ANKHD1: variants seen among roughly 807,000 people sequenced by gnomAD.
The protein encoded by ANKHD1 is ankyrin repeat and KH domain-containing protein 1.
In ANKHD1, 31 loss-of-function variants were observed where a neutral mutation model predicts 230.5. The ratio of observed to expected loss-of-function variants is 0.13; its 90% CI spans 0.10 to 0.18. ANKHD1 has a LOEUF of 0.18. Ranked by LOEUF, ANKHD1 falls within the 10% of genes least tolerant of loss-of-function variation. The pLI is 1.00. For missense variants in ANKHD1, 2,256 were observed against 3,071.3 expected, an observed-to-expected ratio of 0.73 and a Z score of 6.27; for synonymous variants, 1,074 against 1,117.6, an observed-to-expected ratio of 0.96 and a Z score of 0.78.
chr5:140,525,566 A>G (rs1753564605), intron 25 of ANKHD1, among the ~76,000 whole-genome samples: 2 of 151,984 alleles, frequency 1.3e-5, no homozygotes, highest in Admixed American at 6.5e-5. Context: ...GCACCTGGCC[A>G]CAGTAAAAGA....
chr5:140,483,910 G>C (rs1561786459), intron 11 of ANKHD1, among the ~76,000 whole-genome samples: 1 of 152,156 alleles, frequency 6.6e-6, no homozygotes, highest in African/African-American at 2.4e-5. Context: ...GAAATAAATA[G>C]ATGGATAAAC....
intron 1 of ANKHD1, among the ~76,000 whole-genome samples, chr5:140,412,897 A>C (rs184762502): frequency 6.6e-6 from 1 of 152,228 alleles, no homozygotes; most frequent in Non-Finnish European, 1.5e-5. Context: ...TTTAGCAACT[A>C]TTTGTGGAAG....
intron 1 of ANKHD1, among the ~76,000 whole-genome samples, chr5:140,426,768 A>ACCG (rs1772454876): frequency 1.3e-5 from 2 of 152,190 alleles, no homozygotes. Flanking sequence ...CACATCTTGC[A>ACCG]CCGCCCTTAA....
At chr5:140,533,611 TAAATAA>T (rs1753936792) in intron 29 of ANKHD1, among the ~76,000 whole-genome samples, 1 of 150,558 alleles carries the variant, frequency 6.6e-6, no homozygotes, top group South Asian at 2.1e-4. Context: ...GAAAAATAAA[TAAATAA>T]AAATAAATTA....
Position 140,459,212 on chromosome 5 carries a change from C to A in ANKHD1, c.1529C>A (p.Thr510Asn). The A allele has an allele frequency of 6.3e-7, 1 of 1,599,670 alleles. No individual in the cohort carries two copies. The highest frequency in any genetic ancestry group is 8.5e-7 in the Non-Finnish European group (1 of 1,170,170). ...GAAGAAACTCAAGAAACTGCTCTTA[C>A]TTTGGCTTGCTGTGGAGGATTTTCT... is the stretch of plus-strand genomic sequence containing the variant. Reference protein sequence around the residue: ...QTEETQETALTLACCGGFSEV... With the variant: ...QTEETQETALNLACCGGFSEV... Residue 510 changes from threonine (T) to asparagine (N), a missense_variant, in exon 9 of 34, where the codon ACT becomes AAT. Thr to Asn is a moderately conservative substitution (Grantham distance 65, BLOSUM62 0). Coordinates refer to ENST00000360839, the MANE Select transcript of ANKHD1 (RefSeq NM_017747.3).
chr5:140,520,781 G>A lies in ANKHD1; in HGVS notation c.4318-3285G>A, dbSNP rs184592037. On this transcript the variant is annotated intron_variant, in intron 24 of 33. Coordinates refer to ENST00000360839, the MANE Select transcript of ANKHD1 (RefSeq NM_017747.3). Reference sequence around the variant, plus strand: ...ACATCACACTCTGGGGACTGTTGTGGGGTGGGGGGGAGGGGGGAGGGATAG... The same window carrying A: ...ACATCACACTCTGGGGACTGTTGTGAGGTGGGGGGGAGGGGGGAGGGATAG... 9.1e-3 allele frequency among the ~76,000 whole-genome samples: 1,252 copies of A among 137,752 alleles called. 14 individuals are homozygous for A. Among genetic ancestry groups the A allele is most frequent in the Non-Finnish European group, 0.014 (880 of 63,542 alleles). The allele number at this position is 137,752 out of a possible 152,430, so 90.4% of individuals were successfully genotyped here.
At chr5:140,466,213 G>A (rs1437297781) in intron 10 of ANKHD1, among the ~76,000 whole-genome samples, 2 of 152,048 alleles carry the variant, frequency 1.3e-5, no homozygotes, top group African/African-American at 4.8e-5. Context: ...CTAACTTGGT[G>A]AAACCCTGTC....
chr5:140,427,268 G>T (rs1259616962), intron 1 of ANKHD1, among the ~76,000 whole-genome samples: 1 of 146,190 alleles, frequency 6.8e-6, no homozygotes, highest in Non-Finnish European at 1.5e-5. Flanking sequence ...CTGGCCGGGC[G>T]GGGGGCTGAC....
At chr5:140,525,635 C>T (rs938165369) in intron 25 of ANKHD1, among the ~76,000 whole-genome samples, 6 of 151,880 alleles carry the variant, frequency 4.0e-5, no homozygotes, top group African/African-American at 1.5e-4. Flanking sequence ...TTTGGGAGGC[C>T]GAGGCGGGTG....
chr5:140,482,727 A>C (rs1410496173), intron 11 of ANKHD1, 60 bp downstream of exon 11: 1 of 1,569,316 alleles, frequency 6.4e-7, no homozygotes, highest in Admixed American at 1.9e-5. Context: ...AAAAAATCCT[A>C]AACTGTTGCA....
chr5:140,514,594 C>A (rs1752910342), intron 24 of ANKHD1, among the ~76,000 whole-genome samples: 1 of 152,194 alleles, frequency 6.6e-6, no homozygotes, highest in Non-Finnish European at 1.5e-5. Flanking sequence ...TCTTAAACCA[C>A]CATCAATTTT....
rs1298277630 is a variant in ANKHD1, at chr5:140,472,128, C to T, written c.1782+7352C>T. ...GATGAGAATCTTTTTAGTTGAAGATCCTGAGTTAACAAAGCCCACCATCTG... is the reference window on the plus strand; with the variant it reads ...GATGAGAATCTTTTTAGTTGAAGATTCTGAGTTAACAAAGCCCACCATCTG... On this transcript the variant is annotated intron_variant, in intron 10 of 33. Transcript: ENST00000360839. 6.0e-6 allele frequency: 5 copies of T among 829,382 alleles called. No homozygotes were observed. In the Admixed American group the frequency reaches 1.2e-4, roughly 21 times the overall value. 51.4% of individuals were successfully genotyped at this position (829,382 alleles called of 1,614,324 possible).
Position 140,504,851 on chromosome 5 carries a change from A to T in ANKHD1, c.3035A>T (p.Asn1012Ile). 1 of 1,613,930 alleles carries T rather than the reference A, an allele frequency of 6.2e-7. No individual in the cohort carries two copies. Among genetic ancestry groups the T allele is most frequent in the Non-Finnish European group, 8.5e-7 (1 of 1,179,958 alleles). Residue 1012 changes from asparagine to isoleucine, a missense_variant, in exon 16 of 34, where the codon AAC becomes ATC. Coordinates refer to ENST00000360839, the MANE Select transcript of ANKHD1 (RefSeq NM_017747.3). ...AVSTRVPTGS[N>I]SSSQTTECLT... Reference sequence around the variant, plus strand: ...AGTACCAGAGTGCCCACTGGTTCCAACAGTTCTTCTCAGACCACAGAGTGT... The same window carrying T: ...AGTACCAGAGTGCCCACTGGTTCCATCAGTTCTTCTCAGACCACAGAGTGT...
chr5:140,522,994 C>T (rs1753420689), intron 24 of ANKHD1, among the ~76,000 whole-genome samples: 1 of 147,516 alleles, frequency 6.8e-6, no homozygotes, highest in Non-Finnish European at 1.5e-5. Context: ...CTATTCAGAT[C>T]CTTTTTCTGT....
intron 9 of ANKHD1, among the ~76,000 whole-genome samples, chr5:140,463,447 T>TA (rs1775862021): frequency 6.6e-6 from 1 of 152,200 alleles, no homozygotes; most frequent in Non-Finnish European, 1.5e-5. Context: ...CATTATTTAG[T>TA]AAATGGTACT....
intron 9 of ANKHD1, 100 bp downstream of exon 9, chr5:140,459,455 T>C (rs1211035328): frequency 7.5e-7 from 1 of 1,337,034 alleles, no homozygotes; most frequent in East Asian, 2.5e-5. Context: ...GATAATAGAA[T>C]GGTGGTTACC....
At chr5:140,427,384 C>A (rs1581229701) in intron 1 of ANKHD1, among the ~76,000 whole-genome samples, 1 of 48,842 alleles carries the variant, frequency 2.0e-5, no homozygotes. Flanking sequence ...GACCCCCCCC[C>A]ACCTCCCTCC....
At position 140,539,553 on chromosome 5, in the gene ANKHD1, A is replaced by G. The variant is rs1754214058; in HGVS notation, c.*135A>G. The G allele has an allele frequency of 4.1e-6, 4 of 980,206 alleles. No individual in the cohort carries two copies. In the South Asian group the frequency reaches 7.1e-5, roughly 17 times the overall value. The allele number at this position is 980,206 out of a possible 1,614,324, so 60.7% of individuals were successfully genotyped here. A position where few individuals can be genotyped will look rare whatever the true frequency, so the allele number is the denominator to read the frequency against. Reference sequence around the variant, plus strand: ...TGGAAATTTGATTGCCCATTGTATAAGAACAAATTGATTTCCTATCCACCT... The same window carrying G: ...TGGAAATTTGATTGCCCATTGTATAGGAACAAATTGATTTCCTATCCACCT... On this transcript the variant is annotated 3_prime_UTR_variant, in exon 34 of 34. Transcript: ENST00000360839.
chr5:140,537,315 A>G (rs1327084831), intron 30 of ANKHD1, 74 bp from the exon 31 acceptor site: 1 of 1,544,950 alleles, frequency 6.5e-7, no homozygotes, highest in African/African-American at 1.4e-5. Context: ...TAATAAAACA[A>G]TAGAGAAATA....
Sources: allele counts gnomAD v4.1 joint callset (sites outside exome capture counted in the v4.1 genomes callset), GRCh38; gene constraint gnomAD v4.1.1; transcripts MANE v1.5; gene names NCBI Gene and HGNC (gene_info 2026-07-23, HGNC 2026-07-21).